KCNMA1: variants seen among roughly 807,000 people sequenced by gnomAD.
The protein encoded by KCNMA1 is potassium calcium-activated channel subfamily M alpha 1, also known as Calcium-activated potassium channel subunit alpha-1.
A neutral mutation model predicts 140.0 loss-of-function variants in KCNMA1; 29 were observed. The observed-to-expected ratio is 0.21, with a 90% CI of 0.15 to 0.28. The LOEUF (loss-of-function observed/expected upper bound fraction) is 0.28. Among genes scored for constraint, KCNMA1 ranks in the 10% least tolerant of loss-of-function variants. The probability of loss-of-function intolerance (pLI) is 1.00; values close to 1 mark genes in which losing one functional copy is unlikely to be tolerated. For synonymous variants in KCNMA1, 612 were observed against 611.9 expected, an observed-to-expected ratio of 1.00 and a Z score of 0.00; for missense variants, 880 against 1,602.2, an observed-to-expected ratio of 0.55 and a Z score of 7.70.
At chr10:77,501,834 C>G (rs1199464944) in intron 1 of KCNMA1, among the ~76,000 whole-genome samples, 2 of 152,198 alleles carry the variant, frequency 1.3e-5, no homozygotes, top group Admixed American at 1.3e-4. Context: ...GTGAGCAGAC[C>G]AGGGTCAGGT....
chr10:77,296,918 G>GGGGGGGGGGGGGGA (rs34224383), intron 2 of KCNMA1, among the ~76,000 whole-genome samples: 8 of 144,602 alleles, frequency 5.5e-5, no homozygotes, highest in Non-Finnish European at 9.3e-5. Flanking sequence ...TGGGCGGGGG[G>GGGGGGGGGGGGGGA]GCGGTGGGGG....
chr10:77,422,430 G>A (rs1490003912), intron 1 of KCNMA1, among the ~76,000 whole-genome samples: 10 of 152,200 alleles, frequency 6.6e-5, no homozygotes, highest in Admixed American at 5.9e-4. Context: ...CAAGGCTTCG[G>A]TCCTCTAGCT....
intron 1 of KCNMA1, among the ~76,000 whole-genome samples, chr10:77,525,346 T>C (rs1393651463): frequency 6.6e-6 from 1 of 152,226 alleles, no homozygotes; most frequent in Non-Finnish European, 1.5e-5. Context: ...ACCCGTTCTC[T>C]TCCAGATGCC....
At chr10:77,249,500 A>G (rs544340325) in intron 3 of KCNMA1, 83 of 152,336 alleles carry the variant, frequency 5.4e-4, no homozygotes, top group African/African-American at 1.9e-3. Flanking sequence ...AAAAAATAAA[A>G]AAACGAAAAG....
At chr10:77,089,302 G>A (rs576530608) in intron 10 of KCNMA1, among the ~76,000 whole-genome samples, 31 of 152,288 alleles carry the variant, frequency 2.0e-4, no homozygotes, top group Non-Finnish European at 2.8e-4. Context: ...GTAGGACCGC[G>A]TGCTGGGTAG....
chr10:77,602,619 G>A (rs2083030336), intron 1 of KCNMA1, among the ~76,000 whole-genome samples: 1 of 152,074 alleles, frequency 6.6e-6, no homozygotes, highest in Non-Finnish European at 1.5e-5. Flanking sequence ...TAGCACACTA[G>A]GAGGTGCTTC....
chr10:77,476,667 C>T (rs181053478), intron 1 of KCNMA1, among the ~76,000 whole-genome samples: 23 of 152,316 alleles, frequency 1.5e-4, no homozygotes, highest in South Asian at 4.1e-4. Context: ...ATAATGTCAT[C>T]GTCTGCTGCT....
intron 2 of KCNMA1, among the ~76,000 whole-genome samples, chr10:77,398,064 G>GTT: frequency 6.7e-6 from 1 of 150,074 alleles, no homozygotes; most frequent in African/African-American, 2.4e-5. Context: ...GTGTGTATGT[G>GTT]TGTGTGTGTG....
intron 1 of KCNMA1, among the ~76,000 whole-genome samples, chr10:77,503,261 A>T (rs2044574083): frequency 6.6e-6 from 1 of 152,162 alleles, no homozygotes. Flanking sequence ...TAACAATAAA[A>T]TCCATCTTCC....
chr10:77,413,978 C>T (rs1433632294), intron 1 of KCNMA1, among the ~76,000 whole-genome samples: 1 of 152,158 alleles, frequency 6.6e-6, no homozygotes, highest in South Asian at 2.1e-4. Context: ...GCATTTTTAG[C>T]CATTGCTTTC....
chr10:77,503,984 T>C (rs1439435438), intron 1 of KCNMA1, among the ~76,000 whole-genome samples: 1 of 151,488 alleles, frequency 6.6e-6, no homozygotes, highest in Non-Finnish European at 1.5e-5. Context: ...TGGCAAACAG[T>C]GAAGAGGGGG....
At chr10:77,008,820 G>C (rs933626735) in intron 18 of KCNMA1, among the ~76,000 whole-genome samples, 1 of 152,242 alleles carries the variant, frequency 6.6e-6, no homozygotes, top group Non-Finnish European at 1.5e-5. Context: ...AACTTAGAGA[G>C]GGAACCAAGC....
intron 3 of KCNMA1, among the ~76,000 whole-genome samples, chr10:77,190,142 C>T (rs2098927657): frequency 6.6e-6 from 1 of 152,130 alleles, no homozygotes; most frequent in Non-Finnish European, 1.5e-5. Context: ...AGGCCAACCT[C>T]CAGGCTTGAT....
chr10:77,308,081 CA>C, intron 2 of KCNMA1, among the ~76,000 whole-genome samples: 1 of 152,262 alleles, frequency 6.6e-6, no homozygotes, highest in Non-Finnish European at 1.5e-5. Context: ...TGTAGATGAG[CA>C]CCTACTAAAT....
intron 1 of KCNMA1, among the ~76,000 whole-genome samples, chr10:77,440,559 A>G (rs1215918939): frequency 1.3e-5 from 2 of 152,220 alleles, no homozygotes; most frequent in Non-Finnish European, 2.9e-5. Context: ...TGCTGATAAA[A>G]TATTTAAATA....
chr10:76,994,848 G>A (rs2083742149), intron 19 of KCNMA1, among the ~76,000 whole-genome samples: 1 of 152,190 alleles, frequency 6.6e-6, no homozygotes, highest in Admixed American at 6.5e-5. Context: ...CTCCGATGAA[G>A]GAAGTATCCA....
rs896613228 is a variant in KCNMA1, at chr10:76,921,415, G to A, written c.2903-6366C>T. Among the ~76,000 whole-genome samples, 101 of 152,210 alleles carry A rather than the reference G, an allele frequency of 6.6e-4. 1 individual carries two copies. Among genetic ancestry groups the A allele is most frequent in the African/African-American group, 2.4e-3 (98 of 41,444 alleles). On this transcript the variant is annotated intron_variant, in intron 23 of 27. Coordinates refer to ENST00000286628, the MANE Select transcript of KCNMA1 (RefSeq NM_001161352.2). Reference sequence around the variant, plus strand: ...ACCTCAAAGGCAAATGTCAGATGAAGTGCAGATCAATAAAAATATTTTGAT... The same window carrying A: ...ACCTCAAAGGCAAATGTCAGATGAAATGCAGATCAATAAAAATATTTTGAT...
chr10:76,954,339 G>A (rs894214738), intron 20 of KCNMA1, among the ~76,000 whole-genome samples: 6 of 152,014 alleles, frequency 3.9e-5, no homozygotes, highest in African/African-American at 1.5e-4. Context: ...ATGAGCCTCG[G>A]CAATGAAGAG....
At chr10:76,964,128 C>T (rs976915633) in intron 20 of KCNMA1, among the ~76,000 whole-genome samples, 13 of 151,790 alleles carry the variant, frequency 8.6e-5, no homozygotes, top group African/African-American at 2.9e-4. Context: ...TCATCACCCC[C>T]GAGACACCAC....
Sources: gnomAD v4.1 joint callset for allele counts (sites outside exome capture counted in the v4.1 genomes callset) on GRCh38, gnomAD v4.1.1 for gene constraint, MANE v1.5 for transcripts, NCBI Gene and HGNC (gene_info 2026-07-23, HGNC 2026-07-21) for gene names.